Variants in SCAMP5 observed in about 807,000 individuals in gnomAD.
The protein encoded by SCAMP5 is secretory carrier membrane protein 5.
A neutral mutation model predicts 28.3 loss-of-function variants in SCAMP5; 7 were observed. That is an observed-to-expected ratio of 0.25 (90% CI 0.14 to 0.46). The LOEUF is 0.46. SCAMP5 is among the 20% of genes least tolerant of loss of function. The pLI, the probability that SCAMP5 is intolerant of heterozygous loss-of-function variation, is 0.99. For synonymous variants in SCAMP5, 117 were observed against 116.4 expected (o/e 1.00, Z -0.03); for missense variants, 192 against 312.5 (o/e 0.61, Z 2.91).
intron 2 of SCAMP5, 81 bp downstream of exon 2, chr15:75,011,927 C>G (rs373850159): frequency 3.4e-5 from 42 of 1,230,496 alleles, no homozygotes; most frequent in Non-Finnish European, 4.9e-5. Flanking sequence ...TCCCTTATCT[C>G]CCCTAGTCTT....
At chr15:75,011,699 C>A in intron 1 of SCAMP5, 93 bp from the exon 2 acceptor site, 1 of 617,482 alleles carries the variant, frequency 1.6e-6, no homozygotes, top group Admixed American at 2.5e-5. Context: ...TGGGTCCTGT[C>A]CTGGGGAGCT....
At chr15:75,012,526 A>ACCCG in intron 2 of SCAMP5, 151 bp from the exon 3 acceptor site, 1 of 801,540 alleles carries the variant, frequency 1.2e-6, no homozygotes, top group African/African-American at 1.7e-5. Context: ...ATCACAGCTG[A>ACCCG]CCCGGGGAGG....
intron 1 of SCAMP5, among the ~76,000 whole-genome samples, chr15:75,008,259 G>T (rs1004300851): frequency 5.3e-5 from 8 of 151,982 alleles, no homozygotes; most frequent in Non-Finnish European, 7.4e-5. Flanking sequence ...AGTATATAAA[G>T]AATGGAAGTC....
At chr15:74,998,673 C>G (rs989349918) in intron 1 of SCAMP5, among the ~76,000 whole-genome samples, 2 of 151,700 alleles carry the variant, frequency 1.3e-5, no homozygotes, top group Non-Finnish European at 2.9e-5. Flanking sequence ...TCCAACCCCC[C>G]ACCCCCCATT....
chr15:75,006,214 G>C (rs1454523538), intron 1 of SCAMP5, among the ~76,000 whole-genome samples: 1 of 151,380 alleles, frequency 6.6e-6, no homozygotes, highest in Admixed American at 6.6e-5. Flanking sequence ...GGCCAGGCTG[G>C]TCTCGAACTC....
At chr15:75,017,832 C>T in intron 4 of SCAMP5, 38 bp from the exon 5 acceptor site, 2 of 1,388,234 alleles carry the variant, frequency 1.4e-6, no homozygotes, top group Non-Finnish European at 2.1e-6. Flanking sequence ...AGCCCTGGCC[C>T]TCTGCCCAGG....
At chr15:75,003,076 G>A (rs1013685606) in intron 1 of SCAMP5, among the ~76,000 whole-genome samples, 5 of 152,022 alleles carry the variant, frequency 3.3e-5, no homozygotes, top group African/African-American at 1.2e-4. Context: ...GATTACAGGC[G>A]CACGCCGTCA....
At position 75,016,761 on chromosome 15, in the gene SCAMP5, G is replaced by A. The variant is rs376560749; in HGVS notation, c.293+12G>A. Reference sequence around the variant, plus strand: ...TACAAGGCCTTCAAGTAAGTGGTTGGTGCTATCCGCAGTGCCTAGCCGTCT... The same window carrying A: ...TACAAGGCCTTCAAGTAAGTGGTTGATGCTATCCGCAGTGCCTAGCCGTCT... On this transcript the variant is annotated intron_variant, in intron 4 of 6. Coordinates refer to ENST00000425597, the MANE Select transcript of SCAMP5 (RefSeq NM_138967.4). 112 of 1,610,666 alleles carry A rather than the reference G, an allele frequency of 7.0e-5. No individual in the cohort carries two copies. Among genetic ancestry groups the A allele is most frequent in the Non-Finnish European group, 9.3e-5 (109 of 1,177,864 alleles).
Position 75,018,411 on chromosome 15 carries a change from C to T in SCAMP5, c.396-7C>T. Reference sequence around the variant, plus strand: ...GCCCGCAGCCCCACACTGGCCTCTTCCTGCAGCGGCTGGATTGCTACCATC... The same window carrying T: ...GCCCGCAGCCCCACACTGGCCTCTTTCTGCAGCGGCTGGATTGCTACCATC... On this transcript the variant is annotated splice_polypyrimidine_tract_variant and splice_region_variant and intron_variant, in intron 5 of 6. Coordinates refer to ENST00000425597, the MANE Select transcript of SCAMP5 (RefSeq NM_138967.4). The surrounding 1 kb of genome is among the most constrained non-coding windows in gnomAD (Gnocchi z 5.6). 2.5e-6 allele frequency: 4 copies of T among 1,602,822 alleles called. No homozygotes were observed. The highest frequency in any genetic ancestry group is 3.4e-6 in the Non-Finnish European group (4 of 1,169,712).
chr15:75,015,939 A>AAG (rs972958285), intron 3 of SCAMP5, among the ~76,000 whole-genome samples: 1 of 151,754 alleles, frequency 6.6e-6, no homozygotes, highest in African/African-American at 2.4e-5. Context: ...AAAAAAAAAA[A>AAG]AAAAAAAGAA....
intron 1 of SCAMP5, chr15:75,007,523 G>A (rs1278853743): frequency 2.0e-5 from 3 of 151,838 alleles, no homozygotes. Flanking sequence ...GAGAAGCTGG[G>A]ACTACAGGCG....
chr15:75,009,439 G>GTT (rs1491230238), intron 1 of SCAMP5, among the ~76,000 whole-genome samples: 2 of 130,268 alleles, frequency 1.5e-5, no homozygotes, highest in Non-Finnish European at 3.2e-5. Flanking sequence ...AATGCTAGAA[G>GTT]TTTGTGTGTG....
Position 75,020,692 on chromosome 15 carries a change from C to G in SCAMP5, c.*1709C>G, listed in dbSNP as rs1226872114. On this transcript the variant is annotated 3_prime_UTR_variant, in exon 7 of 7. Coordinates refer to ENST00000425597, the MANE Select transcript of SCAMP5 (RefSeq NM_138967.4). ...GGTTCTCGCCCAAAGAGCATCTGCC[C>G]ATTTCCCACCTTCCCTTCTCCCACC... 1 of 152,198 alleles carries G rather than the reference C, an allele frequency of 6.6e-6. No homozygotes were observed. The highest frequency in any genetic ancestry group is 1.5e-5 in the Non-Finnish European group (1 of 68,102). 9.4% of individuals were successfully genotyped at this position (152,198 alleles called of 1,614,324 possible).
intron 3 of SCAMP5, among the ~76,000 whole-genome samples, 182 bp from the exon 4 acceptor site, chr15:75,016,411 G>T (rs534412358): frequency 3.1e-4 from 47 of 152,282 alleles, no homozygotes; most frequent in African/African-American, 9.1e-4. Flanking sequence ...TGGGTCTTTT[G>T]TGTGGGTGTG....
At chr15:75,011,549 T>TG (rs1463232969) in intron 1 of SCAMP5, 4 of 300,780 alleles carry the variant, frequency 1.3e-5, no homozygotes, top group Non-Finnish European at 2.5e-5. Context: ...TTCCTACCCT[T>TG]GGATGGGGTT....
chr15:75,016,492 T>C (rs2065860456), intron 3 of SCAMP5, 101 bp from the exon 4 acceptor site: 2 of 1,103,006 alleles, frequency 1.8e-6, no homozygotes. Context: ...TGGGTCTCTG[T>C]TGCGTTACTG....
In SCAMP5 at chr15:75,018,398, A is replaced by C. The variant is rs768486219; in HGVS notation, c.396-20A>C. Reference sequence around the variant, plus strand: ...CACCTCTTATCCTGCCCGCAGCCCCACACTGGCCTCTTCCTGCAGCGGCTG... The same window carrying C: ...CACCTCTTATCCTGCCCGCAGCCCCCCACTGGCCTCTTCCTGCAGCGGCTG... On this transcript the variant is annotated intron_variant, in intron 5 of 6. Transcript: ENST00000425597. This position sits in a 1 kb window ranked among gnomAD's most constrained non-coding sequence, Gnocchi z 5.6. 46 of 1,549,570 alleles carry C rather than the reference A, an allele frequency of 3.0e-5. No individual in the cohort carries two copies. Among genetic ancestry groups the C allele is most frequent in the Non-Finnish European group, 4.0e-5 (45 of 1,121,402 alleles).
chr15:75,009,483 G>GTGT (rs1555411076), intron 1 of SCAMP5, among the ~76,000 whole-genome samples: 1 of 147,012 alleles, frequency 6.8e-6, no homozygotes, highest in Non-Finnish European at 1.5e-5. Flanking sequence ...GTGTGTGTGT[G>GTGT]CTTTTTTTCC....
intron 2 of SCAMP5, among the ~76,000 whole-genome samples, chr15:75,012,317 G>A (rs981396153): frequency 6.6e-6 from 1 of 152,256 alleles, no homozygotes; most frequent in Non-Finnish European, 1.5e-5. Context: ...CAAATGCTGA[G>A]TGGAGGCTGG....
Sources: allele counts gnomAD v4.1 joint callset (sites outside exome capture counted in the v4.1 genomes callset), GRCh38; gene constraint gnomAD v4.1.1; non-coding constraint Gnocchi (gnomAD v3.1); transcripts MANE v1.5; gene names NCBI Gene and HGNC (gene_info 2026-07-23, HGNC 2026-07-21).